The following CENPP variants were observed in gnomAD, a reference collection of about 807,000 sequenced individuals.
CENPP encodes the protein centromere protein P.
A neutral mutation model predicts 35.6 loss-of-function variants in CENPP; 24 were observed. The observed-to-expected ratio is 0.67, with a 90% confidence interval of 0.49 to 0.95. The LOEUF (loss-of-function observed/expected upper bound fraction) is 0.95. Ranked by LOEUF, CENPP falls within the 40% of genes least tolerant of loss-of-function variation. The pLI, the probability that CENPP is intolerant of heterozygous loss-of-function variation, is 0.00. For synonymous variants in CENPP, 120 were observed against 125.5 expected, an observed-to-expected ratio of 0.96 and a Z score of 0.29; for missense variants, 332 against 345.3, an observed-to-expected ratio of 0.96 and a Z score of 0.31.
rs999001585 is a variant in CENPP, at chr9:92,545,693, AATCCAGCTGGGCTC to A, written c.565-65606_565-65593del. ...AGCCTGGTGCGGGATCCACTGGGTG[AATCCAGCTGGGCTC>A]ATCCAGCTGGGCTCTTGAGTCTAGT... On this transcript the variant is annotated intron_variant, in intron 5 of 7. Coordinates refer to ENST00000375587, the MANE Select transcript of CENPP (RefSeq NM_001012267.3). 2.8e-3 allele frequency among the ~76,000 whole-genome samples: 432 copies of A among 152,314 alleles called. 3 individuals carry two copies. The highest frequency in any genetic ancestry group is 9.9e-3 in the African/African-American group (412 of 41,576).
intron 5 of CENPP, among the ~76,000 whole-genome samples, chr9:92,491,643 A>G (rs1180607470): frequency 6.6e-6 from 1 of 152,082 alleles, no homozygotes; most frequent in Non-Finnish European, 1.5e-5. Context: ...CTGGCTCTCA[A>G]CTTCTTAGCA....
intron 1 of CENPP, among the ~76,000 whole-genome samples, chr9:92,331,101 C>A (rs1033854611): frequency 1.1e-4 from 16 of 152,174 alleles, no homozygotes; most frequent in Admixed American, 4.6e-4. Context: ...TCCGATAAAT[C>A]TCTTTCTTAC....
chr9:92,351,962 G>A (rs1302945394), intron 4 of CENPP, among the ~76,000 whole-genome samples: 1 of 149,652 alleles, frequency 6.7e-6, no homozygotes, highest in Non-Finnish European at 1.5e-5. Flanking sequence ...TTCGCTGAGT[G>A]TAATGTTGTC....
At chr9:92,524,741 C>T (rs899387829) in intron 5 of CENPP, among the ~76,000 whole-genome samples, 4 of 152,140 alleles carry the variant, frequency 2.6e-5, no homozygotes, top group South Asian at 2.1e-4. Context: ...ACAGATTTGC[C>T]GCTGTTATCT....
At chr9:92,439,728 GGAAT>G (rs1844339718) in intron 5 of CENPP, among the ~76,000 whole-genome samples, 1 of 151,972 alleles carries the variant, frequency 6.6e-6, no homozygotes, top group African/African-American at 2.4e-5. Flanking sequence ...TAAAATTCTT[GGAAT>G]GCTCTTGAGT....
At chr9:92,424,285 A>G (rs1430458952) in intron 5 of CENPP, 1 of 152,226 alleles carries the variant, frequency 6.6e-6, no homozygotes, top group African/African-American at 2.4e-5. Flanking sequence ...TCTTTAACTG[A>G]GTCTCTTAAA....
At chr9:92,455,004 C>T (rs771513067) in intron 5 of CENPP, among the ~76,000 whole-genome samples, 8 of 152,172 alleles carry the variant, frequency 5.3e-5, no homozygotes, top group Non-Finnish European at 1.0e-4. Flanking sequence ...CCTGTAAAGC[C>T]GTTGTTTGCA....
At position 92,620,322 on chromosome 9, in the gene CENPP, T is replaced by A; in HGVS notation, c.*7173T>A. 6.6e-6 allele frequency: 1 copy of A among 152,342 alleles called. No individual in the cohort carries two copies. The highest frequency in any genetic ancestry group is 1.5e-5 in the Non-Finnish European group (1 of 68,180). The allele number at this position is 152,342 out of a possible 1,614,324, so 9.4% of individuals were successfully genotyped here. A position where few individuals can be genotyped will look rare whatever the true frequency, so the allele number is the denominator to read the frequency against. On this transcript the variant is annotated 3_prime_UTR_variant, in exon 8 of 8. Transcript: ENST00000375587. Reference sequence around the variant, plus strand: ...ACACACCACACTGTCAGAGTCGACATACGTAAAGCTGTACATGTGCACATG... The same window carrying A: ...ACACACCACACTGTCAGAGTCGACAAACGTAAAGCTGTACATGTGCACATG...
intron 1 of CENPP, among the ~76,000 whole-genome samples, chr9:92,330,737 G>A (rs1840719728): frequency 1.5e-5 from 2 of 133,160 alleles, no homozygotes; most frequent in Non-Finnish European, 3.1e-5. Context: ...TGCCCAGGCT[G>A]GAATACAGTG....
At chr9:92,432,714 T>G (rs543920751) in intron 5 of CENPP, among the ~76,000 whole-genome samples, 1 of 152,240 alleles carries the variant, frequency 6.6e-6, no homozygotes, top group Non-Finnish European at 1.5e-5. Flanking sequence ...ATTTTCTACA[T>G]AATTAATTCA....
intron 5 of CENPP, among the ~76,000 whole-genome samples, chr9:92,518,985 C>T (rs1010398000): frequency 3.9e-5 from 6 of 152,150 alleles, no homozygotes; most frequent in African/African-American, 1.4e-4. Context: ...ATCAGCTAAG[C>T]AGGCCATTAG....
chr9:92,551,679 C>T (rs1849590252), intron 5 of CENPP, among the ~76,000 whole-genome samples: 1 of 151,946 alleles, frequency 6.6e-6, no homozygotes, highest in South Asian at 2.1e-4. Context: ...CCCACTCCCA[C>T]TCTTCCCTTC....
chr9:92,510,456 C>T (rs530859997), intron 5 of CENPP, among the ~76,000 whole-genome samples: 1 of 152,346 alleles, frequency 6.6e-6, no homozygotes, highest in South Asian at 2.1e-4. Context: ...TTTAAACATA[C>T]TTGTAAACCT....
chr9:92,522,459 T>A (rs1367973771), intron 5 of CENPP: 2 of 1,145,572 alleles, frequency 1.7e-6, no homozygotes, highest in East Asian at 5.4e-5. Flanking sequence ...TGGATTTTTC[T>A]TTAGAAAATT....
chr9:92,438,731 T>A (rs529446507), intron 5 of CENPP, among the ~76,000 whole-genome samples: 1 of 152,346 alleles, frequency 6.6e-6, no homozygotes, highest in Admixed American at 6.5e-5. Flanking sequence ...GGCAGGTGGA[T>A]CACTTGAGGT....
intron 5 of CENPP, among the ~76,000 whole-genome samples, chr9:92,576,139 G>T (rs1004535383): frequency 6.6e-6 from 1 of 152,182 alleles, no homozygotes; most frequent in African/African-American, 2.4e-5. Context: ...AACAAATGCA[G>T]TCTGTCCATA....
chr9:92,415,719 A>T (rs1843571813), intron 5 of CENPP, among the ~76,000 whole-genome samples: 1 of 149,592 alleles, frequency 6.7e-6, no homozygotes, highest in South Asian at 2.1e-4. Context: ...TCCTAGTAGA[A>T]CAATCTCAAA....
At chr9:92,430,781 G>A (rs540785904) in intron 5 of CENPP, among the ~76,000 whole-genome samples, 9 of 151,968 alleles carry the variant, frequency 5.9e-5, no homozygotes, top group African/African-American at 2.2e-4. Context: ...TTTTGTTGTT[G>A]TTGTTGTTGT....
intron 5 of CENPP, among the ~76,000 whole-genome samples, chr9:92,413,440 G>T (rs1301475303): frequency 6.6e-6 from 1 of 152,102 alleles, no homozygotes; most frequent in African/African-American, 2.4e-5. Context: ...ATCCTAGTGA[G>T]CACATAGTAA....
Sources: allele counts gnomAD v4.1 joint callset (sites outside exome capture counted in the v4.1 genomes callset), GRCh38; gene constraint gnomAD v4.1.1; transcripts MANE v1.5; gene names NCBI Gene and HGNC (gene_info 2026-07-23, HGNC 2026-07-21).